NLK: variants seen among roughly 807,000 people sequenced by gnomAD.
NLK encodes nemo like kinase.
A neutral mutation model predicts 59.0 loss-of-function variants in NLK; 11 were observed. That is an observed-to-expected ratio of 0.19 (90% confidence interval 0.12 to 0.31). The LOEUF is 0.31. Among genes scored for constraint, NLK ranks in the 10% least tolerant of loss-of-function variants. NLK has a pLI of 1.00. For synonymous variants in NLK, 235 were observed against 235.9 expected, an observed-to-expected ratio of 1.00 and a Z score of 0.03; for missense variants, 410 against 661.1, an observed-to-expected ratio of 0.62 and a Z score of 4.16.
intron 1 of NLK, among the ~76,000 whole-genome samples, chr17:28,058,285 A>G (rs900059985): frequency 6.6e-6 from 1 of 152,240 alleles, no homozygotes; most frequent in Non-Finnish European, 1.5e-5. Context: ...GGGACACCGT[A>G]ATGTTTAACT....
At chr17:28,181,880 C>T (rs1908920534) in intron 7 of NLK, among the ~76,000 whole-genome samples, 2 of 152,088 alleles carry the variant, frequency 1.3e-5, no homozygotes, top group Non-Finnish European at 2.9e-5. Flanking sequence ...TGTGGTGGCG[C>T]ACGTCTGTAG....
chr17:28,115,487 T>G (rs1905725960), intron 1 of NLK, among the ~76,000 whole-genome samples: 1 of 152,200 alleles, frequency 6.6e-6, no homozygotes. Flanking sequence ...CTTTTTAGAT[T>G]GATTATATTT....
At chr17:28,111,976 T>G (rs1386832767) in intron 1 of NLK, among the ~76,000 whole-genome samples, 1 of 148,060 alleles carries the variant, frequency 6.8e-6, no homozygotes, top group African/African-American at 2.5e-5. Flanking sequence ...AGTTTTCAAA[T>G]ATGCCCAGCT....
intron 1 of NLK, chr17:28,048,316 C>A: frequency 5.0e-6 from 1 of 199,698 alleles, no homozygotes; most frequent in Non-Finnish European, 1.0e-5. Context: ...AACCACAGCA[C>A]AAAAAATAAA....
intron 3 of NLK, among the ~76,000 whole-genome samples, chr17:28,138,127 G>T (rs1906836110): frequency 6.6e-6 from 1 of 152,156 alleles, no homozygotes; most frequent in Non-Finnish European, 1.5e-5. Flanking sequence ...TTATGCTTCA[G>T]TCAGGATTCT....
At chr17:28,130,881 TA>T (rs1329259121) in intron 2 of NLK, among the ~76,000 whole-genome samples, 8 of 152,060 alleles carry the variant, frequency 5.3e-5, no homozygotes, top group African/African-American at 1.4e-4. Flanking sequence ...ATTATAGGTT[TA>T]AAAAATATAT....
chr17:28,193,295 G>A (rs934450388), intron 10 of NLK, among the ~76,000 whole-genome samples: 7 of 152,206 alleles, frequency 4.6e-5, no homozygotes, highest in Non-Finnish European at 7.3e-5. Flanking sequence ...GACCTCTTTG[G>A]AGAGGGTATG....
intron 7 of NLK, among the ~76,000 whole-genome samples, chr17:28,178,871 A>T (rs1017093508): frequency 2.0e-5 from 3 of 152,176 alleles, no homozygotes; most frequent in African/African-American, 7.2e-5. Context: ...TAAAACTTAC[A>T]TGTAGTTGAA....
intron 3 of NLK, among the ~76,000 whole-genome samples, chr17:28,149,746 G>A (rs984797146): frequency 1.3e-5 from 2 of 152,132 alleles, no homozygotes; most frequent in African/African-American, 4.8e-5. Flanking sequence ...TTAATTGTCT[G>A]TCTCCCTTGT....
At chr17:28,172,726 A>ATT in intron 7 of NLK, 108 bp downstream of exon 7, 7 of 438,286 alleles carry the variant, frequency 1.6e-5, no homozygotes, top group East Asian at 4.4e-5. Flanking sequence ...TATCTGTAGG[A>ATT]TTTTTTTTTT....
At chr17:28,176,265 G>A (rs911229874) in intron 7 of NLK, among the ~76,000 whole-genome samples, 1 of 152,076 alleles carries the variant, frequency 6.6e-6, no homozygotes, top group Non-Finnish European at 1.5e-5. Context: ...TTAGATTGAT[G>A]GTGTTTAAAC....
intron 3 of NLK, among the ~76,000 whole-genome samples, chr17:28,148,593 A>G (rs2142036383): frequency 6.6e-6 from 1 of 152,238 alleles, no homozygotes; most frequent in Non-Finnish European, 1.5e-5. Flanking sequence ...ATTGGCCAAA[A>G]GGGTATCATT....
chr17:28,155,132 A>G (rs1007509851), intron 3 of NLK, among the ~76,000 whole-genome samples: 1 of 152,114 alleles, frequency 6.6e-6, no homozygotes, highest in South Asian at 2.1e-4. Context: ...TTAGAACACT[A>G]TGCAGTCATT....
intron 1 of NLK, among the ~76,000 whole-genome samples, chr17:28,100,552 A>C (rs902150411): frequency 6.6e-6 from 1 of 152,210 alleles, no homozygotes; most frequent in African/African-American, 2.4e-5. Flanking sequence ...AGCCATCTGC[A>C]TAAAGTGTGG....
intron 1 of NLK, among the ~76,000 whole-genome samples, chr17:28,061,664 A>G (rs1392242677): frequency 1.3e-5 from 2 of 151,528 alleles, no homozygotes; most frequent in Admixed American, 1.3e-4. Context: ...TTTGTCTGGT[A>G]TACTAGATTA....
Position 28,172,633 on chromosome 17 carries a change from G to C in NLK, c.1149+15G>C. 7.0e-7 allele frequency: 1 copy of C among 1,436,728 alleles called. No homozygotes were observed. The highest frequency in any genetic ancestry group is 9.4e-7 in the Non-Finnish European group (1 of 1,067,978). 89.0% of individuals were successfully genotyped at this position (1,436,728 alleles called of 1,614,324 possible). ...CTCATAAACAGGTGAGAGGAGGGGG[G>C]AATCTTTTTCTGGTAACCATCTGTT... is the stretch of plus-strand genomic sequence containing the variant. On this transcript the variant is annotated intron_variant, in intron 7 of 10. Coordinates refer to ENST00000407008, the MANE Select transcript of NLK (RefSeq NM_016231.5).
chr17:28,102,002 A>G (rs1286164260), intron 1 of NLK, among the ~76,000 whole-genome samples: 1 of 152,068 alleles, frequency 6.6e-6, no homozygotes, highest in Non-Finnish European at 1.5e-5. Context: ...CTTTTAACCT[A>G]TCTGTATCTT....
intron 1 of NLK, among the ~76,000 whole-genome samples, chr17:28,050,245 A>G (rs1421689198): frequency 3.3e-5 from 5 of 152,174 alleles, no homozygotes; most frequent in Admixed American, 6.5e-5. Flanking sequence ...AGTTTTAAGA[A>G]TGAGAGTCAA....
At chr17:28,145,235 T>C (rs1471082266) in intron 3 of NLK, among the ~76,000 whole-genome samples, 1 of 152,172 alleles carries the variant, frequency 6.6e-6, no homozygotes, top group African/African-American at 2.4e-5. Context: ...AATGTGTGCT[T>C]TTGTTTTGGG....
Sources: allele counts gnomAD v4.1 joint callset (sites outside exome capture counted in the v4.1 genomes callset), GRCh38; gene constraint gnomAD v4.1.1; transcripts MANE v1.5; gene names NCBI Gene and HGNC (gene_info 2026-07-23, HGNC 2026-07-21).